USP45: variants seen among roughly 807,000 people sequenced by gnomAD.
USP45 encodes the protein ubiquitin specific peptidase 45.
A neutral mutation model predicts 95.8 loss-of-function variants in USP45; 89 were observed. The observed-to-expected ratio is 0.93, with a 90% confidence interval of 0.78 to 1.11. The LOEUF is 1.11. USP45 is among the 50% of genes least tolerant of loss of function. USP45 has a pLI of 0.00. For synonymous variants in USP45, 281 were observed against 316.2 expected (o/e 0.89, Z 1.18); for missense variants, 898 against 942.5 (o/e 0.95, Z 0.62).
At chr6:99,499,550 A>C (rs907058247) in intron 5 of USP45, among the ~76,000 whole-genome samples, 12 of 152,196 alleles carry the variant, frequency 7.9e-5, no homozygotes, top group African/African-American at 2.4e-4. Context: ...CTGTAGCTTG[A>C]CCCACAGGGA....
At chr6:99,501,281 TTTA>T (rs999530486) in intron 5 of USP45, among the ~76,000 whole-genome samples, 1 of 151,960 alleles carries the variant, frequency 6.6e-6, no homozygotes, top group African/African-American at 2.4e-5. Context: ...ATCACTTATC[TTTA>T]TTTTTTTAAA....
chr6:99,435,936 T>A lies in USP45; in HGVS notation c.2315-90A>T, dbSNP rs558329731. The A allele has an allele frequency of 6.8e-5, 90 of 1,325,230 alleles. No homozygotes were observed. In the South Asian group the frequency reaches 1.3e-3, roughly 19 times the overall value. The allele number at this position is 1,325,230 out of a possible 1,614,324, so 82.1% of individuals were successfully genotyped here. ...AAACAATAACATATTCATTACAAAC[T>A]CTATCTAATGCCAAATTTTACCTGA... On this transcript the variant is annotated intron_variant, in intron 17 of 17. Transcript: ENST00000500704.
intron 14 of USP45, among the ~76,000 whole-genome samples, chr6:99,445,483 CAAA>C (rs1235358967): frequency 3.1e-5 from 3 of 97,642 alleles, no homozygotes; most frequent in Non-Finnish European, 4.4e-5. Flanking sequence ...ACTCCATCTC[CAAA>C]AAAAAAAAAA....
chr6:99,488,440 G>A, intron 6 of USP45, 145 bp from the exon 7 acceptor site: 1 of 689,074 alleles, frequency 1.5e-6, no homozygotes, highest in South Asian at 2.1e-5. Flanking sequence ...TTTACATTTA[G>A]TAAAGGTCAC....
intron 5 of USP45, among the ~76,000 whole-genome samples, chr6:99,490,762 GC>G (rs1794994735): frequency 6.6e-6 from 1 of 151,970 alleles, no homozygotes; most frequent in Admixed American, 6.6e-5. Context: ...TATGACACCT[GC>G]CCCACTTCTG....
Position 99,508,557 on chromosome 6 carries a change from C to T in USP45, c.273+53G>A. ...GACCAACAGTCCAACTCACAATAAG[C>T]ATTTAAGGAAAACATTTCAGACAAA... On this transcript the variant is annotated intron_variant, in intron 3 of 17. Coordinates refer to ENST00000500704, the MANE Select transcript of USP45 (RefSeq NM_001346022.3). 3 of 1,541,610 alleles carry T rather than the reference C, an allele frequency of 1.9e-6. No homozygotes were observed. In the Admixed American group the frequency reaches 5.6e-5, roughly 29 times the overall value.
chr6:99,468,351 C>T (rs1206519291), intron 10 of USP45, among the ~76,000 whole-genome samples, 186 bp downstream of exon 10: 1 of 152,088 alleles, frequency 6.6e-6, no homozygotes, highest in African/African-American at 2.4e-5. Flanking sequence ...TATAAATTCA[C>T]ATGAATACAT....
At chr6:99,481,278 T>G (rs1413624566) in intron 8 of USP45, among the ~76,000 whole-genome samples, 2 of 152,222 alleles carry the variant, frequency 1.3e-5, no homozygotes, top group Non-Finnish European at 2.9e-5. Context: ...AAAATTTGCA[T>G]ATGTCTGTGT....
rs1780056112 is a variant in USP45 at position 99,433,785 on chromosome 6, T to G, written c.*1931A>C. The G allele has an allele frequency of 6.6e-6, 1 of 152,222 alleles. No individual in the cohort carries two copies. The highest frequency in any genetic ancestry group is 1.5e-5 in the Non-Finnish European group (1 of 68,040). 9.4% of individuals were successfully genotyped at this position (152,222 alleles called of 1,614,324 possible). ...GACTGACTCATAGCAAGTATGGGTA[T>G]CTATCCAAATATTTGTCTTTGAAAC... On this transcript the variant is annotated 3_prime_UTR_variant, in exon 18 of 18. Coordinates refer to ENST00000500704, the MANE Select transcript of USP45 (RefSeq NM_001346022.3).
At chr6:99,451,424 T>A (rs559738128) in intron 13 of USP45, among the ~76,000 whole-genome samples, 1 of 152,250 alleles carries the variant, frequency 6.6e-6, no homozygotes, top group African/African-American at 2.4e-5. Context: ...TGAACTCCCA[T>A]TCACAATTGC....
intron 7 of USP45, among the ~76,000 whole-genome samples, chr6:99,484,638 A>C (rs1793389319): frequency 6.6e-6 from 1 of 152,104 alleles, no homozygotes; most frequent in East Asian, 1.9e-4. Flanking sequence ...TCTCTGCAAA[A>C]AAAATTTAAA....
chr6:99,439,659 C>A, intron 16 of USP45, 110 bp downstream of exon 16: 1 of 691,670 alleles, frequency 1.4e-6, no homozygotes, highest in Non-Finnish European at 2.1e-6. Flanking sequence ...TATTAAAATT[C>A]CCTTTCAGAA....
intron 5 of USP45, among the ~76,000 whole-genome samples, chr6:99,499,691 G>C (rs983579789): frequency 6.6e-6 from 1 of 152,080 alleles, no homozygotes; most frequent in Non-Finnish European, 1.5e-5. Context: ...TGCTATTCAC[G>C]GTTCCATAAA....
Position 99,464,586 on chromosome 6 carries a change from AGAT to A in USP45, c.1308+15_1308+17del, listed in dbSNP as rs759728826. ...AACTGTTAAAAAACAGACGTCTAAC[AGAT>A]GCTTATGGTCTTACCTTATCTTTAG... On this transcript the variant is annotated intron_variant, in intron 13 of 17. Coordinates refer to ENST00000500704, the MANE Select transcript of USP45 (RefSeq NM_001346022.3). 5 of 1,596,758 alleles carry A rather than the reference AGAT, an allele frequency of 3.1e-6. No individual in the cohort carries two copies. In the African/African-American group the frequency reaches 6.8e-5, roughly 22 times the overall value.
chr6:99,511,712 C>T (rs1162183382), intron 1 of USP45, among the ~76,000 whole-genome samples: 8 of 151,970 alleles, frequency 5.3e-5, no homozygotes, highest in African/African-American at 1.7e-4. Flanking sequence ...CTTGGCTTCC[C>T]AAACTGCTGG....
chr6:99,501,219 TG>T (rs1205292048), intron 5 of USP45, among the ~76,000 whole-genome samples: 1 of 150,740 alleles, frequency 6.6e-6, no homozygotes, highest in African/African-American at 2.4e-5. Flanking sequence ...ACCCTCTTCA[TG>T]ATCTCCCCAC....
chr6:99,478,229 T>G lies in USP45; in HGVS notation c.846-1999A>C, dbSNP rs1022675057. On this transcript the variant is annotated intron_variant, in intron 8 of 17. Coordinates refer to ENST00000500704, the MANE Select transcript of USP45 (RefSeq NM_001346022.3). Reference sequence around the variant, plus strand: ...TAATAAACTTAGATTTGTTTTTTTTTTTTTTTTTTTTTTTTAACCTAGGAA... The same window carrying G: ...TAATAAACTTAGATTTGTTTTTTTTGTTTTTTTTTTTTTTTAACCTAGGAA... Among the ~76,000 whole-genome samples, 1,402 of 149,058 alleles carry G rather than the reference T, an allele frequency of 9.4e-3. 25 individuals carry two copies. The highest frequency in any genetic ancestry group is 0.032 in the African/African-American group (1,319 of 40,710).
chr6:99,472,417 T>C (rs185098379), intron 9 of USP45, among the ~76,000 whole-genome samples: 30 of 152,206 alleles, frequency 2.0e-4, no homozygotes, highest in African/African-American at 7.2e-4. Context: ...GGTTTCACCA[T>C]GTTGGCCAAG....
intron 2 of USP45, among the ~76,000 whole-genome samples, chr6:99,509,198 C>A (rs1799216177): frequency 6.6e-6 from 1 of 152,086 alleles, no homozygotes; most frequent in African/African-American, 2.4e-5. Context: ...TATCTGATGT[C>A]CCTAATTTAT....
Sources: gnomAD v4.1 joint callset for allele counts (sites outside exome capture counted in the v4.1 genomes callset) on GRCh38, gnomAD v4.1.1 for gene constraint, MANE v1.5 for transcripts, NCBI Gene and HGNC (gene_info 2026-07-23, HGNC 2026-07-21) for gene names.